EARS2: variants seen among roughly 807,000 people sequenced by gnomAD.
The protein encoded by EARS2 is glutamyl-tRNA synthetase 2, mitochondrial, also known as nondiscriminating glutamyl-tRNA synthetase EARS2, mitochondrial.
Under a neutral mutation model 54.1 loss-of-function variants are expected in EARS2, and 50 were observed. That is an observed-to-expected ratio of 0.92 (90% CI 0.74 to 1.17). EARS2 has a LOEUF of 1.17. EARS2 is among the 50% of genes most tolerant of loss of function. EARS2 has a pLI of 0.00. For synonymous variants in EARS2, 298 were observed against 281.0 expected, an observed-to-expected ratio of 1.06 and a Z score of -0.61; for missense variants, 673 against 675.0, an observed-to-expected ratio of 1.00 and a Z score of 0.03.
At chr16:23,529,243 G>A (rs890727568) in intron 7 of EARS2, among the ~76,000 whole-genome samples, 3 of 152,252 alleles carry the variant, frequency 2.0e-5, no homozygotes, top group African/African-American at 7.2e-5. Flanking sequence ...TGAGCAAGGT[G>A]ACATAATCTG....
At chr16:23,545,042 A>G (rs904548139) in intron 2 of EARS2, 2 of 192,796 alleles carry the variant, frequency 1.0e-5, no homozygotes, top group African/African-American at 4.7e-5. Context: ...GCGTTTCACC[A>G]TGTTGGCCAG....
chr16:23,530,020 G>T, intron 5 of EARS2, 123 bp from the exon 6 acceptor site: 1 of 1,191,844 alleles, frequency 8.4e-7, no homozygotes, highest in Non-Finnish European at 1.2e-6. Context: ...CCTCCCTTTC[G>T]CAAGCTAGAA....
intron 1 of EARS2, 94 bp downstream of exon 1, chr16:23,557,111 C>CT: frequency 6.8e-7 from 1 of 1,467,226 alleles, no homozygotes; most frequent in Non-Finnish European, 9.0e-7. Context: ...CCCGCCCACT[C>CT]TGACACCACC....
chr16:23,555,212 G>C (rs1047113757), intron 1 of EARS2, among the ~76,000 whole-genome samples: 7 of 152,196 alleles, frequency 4.6e-5, no homozygotes, highest in African/African-American at 1.4e-4. Context: ...TAGGCCAGGT[G>C]TGATGGCTCA....
At chr16:23,529,398 G>A (rs1319058095) in intron 7 of EARS2, 104 bp downstream of exon 7, 1 of 1,428,002 alleles carries the variant, frequency 7.0e-7, no homozygotes, top group Non-Finnish European at 9.5e-7. Flanking sequence ...TGGCCATGGA[G>A]TTGTGCTGGG....
chr16:23,542,884 G>A (rs1965538956), intron 3 of EARS2, among the ~76,000 whole-genome samples: 3 of 151,960 alleles, frequency 2.0e-5, no homozygotes, highest in African/African-American at 7.2e-5. Flanking sequence ...GGAGGCTGAG[G>A]TGGGAAGATT....
At position 23,524,235 on chromosome 16, in the gene EARS2, C is replaced by CA. The variant is rs961968725; in HGVS notation, c.*135dup. 3.2e-5 allele frequency: 24 copies of CA among 757,744 alleles called. No homozygotes were observed. Among genetic ancestry groups the CA allele is most frequent in the Non-Finnish European group, 4.8e-5 (21 of 434,496 alleles). 46.9% of individuals were successfully genotyped at this position (757,744 alleles called of 1,614,324 possible). ...GGTGGATCACAAATGCACTTGTGTG[C>CA]AGTCAGAGATTGTTTCCACTCTTAG... On this transcript the variant is annotated 3_prime_UTR_variant, in exon 9 of 9. Coordinates refer to ENST00000449606, the MANE Select transcript of EARS2 (RefSeq NM_001083614.2).
chr16:23,533,932 T>G (rs765326356), intron 4 of EARS2, among the ~76,000 whole-genome samples: 1 of 151,958 alleles, frequency 6.6e-6, no homozygotes, highest in Non-Finnish European at 1.5e-5. Context: ...GGCGGGTGCC[T>G]GTAATCCCAG....
intron 3 of EARS2, among the ~76,000 whole-genome samples, chr16:23,538,558 A>G (rs1965462168): frequency 1.3e-5 from 2 of 152,172 alleles, no homozygotes; most frequent in African/African-American, 4.8e-5. Context: ...TTAAATGTGC[A>G]TTATTGAATA....
At chr16:23,548,385 G>A (rs556892009) in intron 2 of EARS2, among the ~76,000 whole-genome samples, 7 of 152,274 alleles carry the variant, frequency 4.6e-5, no homozygotes, top group Non-Finnish European at 5.9e-5. Context: ...ACACCAGGGT[G>A]GGGGACAAGC....
chr16:23,537,939 G>A (rs1287394333), intron 3 of EARS2, among the ~76,000 whole-genome samples: 9 of 151,376 alleles, frequency 5.9e-5, no homozygotes, highest in East Asian at 3.9e-4. Context: ...GACTACAGGC[G>A]TGCACCACCA....
At position 23,529,897 on chromosome 16, in the gene EARS2, T is replaced by C; in HGVS notation, c.1068A>G (p.Arg356=). 6.2e-7 allele frequency: 1 copy of C among 1,613,956 alleles called. No individual in the cohort carries two copies. The highest frequency in any genetic ancestry group is 1.7e-4 in the Middle Eastern group (1 of 6,056). The change falls in exon 6 of 9, where the codon AGA becomes AGG. Residue 356 remains arginine (R), a splice_region_variant and synonymous_variant. Transcript: ENST00000449606. ...LDLEKLPEFN[R]LHLQRLVSNE... ...TGCTCACCAGCCGCTGGAGGTGCAG[T>C]CTGCGGAAGAAATCAAGGGGCTGCC...
intron 3 of EARS2, among the ~76,000 whole-genome samples, chr16:23,538,562 T>C (rs1597016474): frequency 6.6e-6 from 1 of 152,198 alleles, no homozygotes; most frequent in East Asian, 1.9e-4. Flanking sequence ...ATGTGCATTA[T>C]TGAATATGTT....
chr16:23,542,018 CCAGCTAAT>C (rs1965520946), intron 3 of EARS2, among the ~76,000 whole-genome samples: 1 of 152,072 alleles, frequency 6.6e-6, no homozygotes, highest in Non-Finnish European at 1.5e-5. Context: ...GCCATCATGC[CCAGCTAAT>C]TTTTGTATTT....
chr16:23,546,906 C>G (rs1027700696), intron 2 of EARS2, among the ~76,000 whole-genome samples: 1 of 152,232 alleles, frequency 6.6e-6, no homozygotes, highest in Non-Finnish European at 1.5e-5. Flanking sequence ...ACCTCCATTT[C>G]TTCATTTGTC....
intron 1 of EARS2, among the ~76,000 whole-genome samples, chr16:23,556,163 C>T (rs1965778416): frequency 6.6e-6 from 1 of 152,154 alleles, no homozygotes; most frequent in Non-Finnish European, 1.5e-5. Flanking sequence ...GTATGTTCAT[C>T]CTGGGATTTG....
In EARS2 at chr16:23,548,502, G is replaced by A. The variant is rs188626609; in HGVS notation, c.295+3647C>T. Among the ~76,000 whole-genome samples, 313 of 152,224 alleles carry A rather than the reference G, an allele frequency of 2.1e-3. 4 individuals are homozygous for A. Among genetic ancestry groups the A allele is most frequent in the African/African-American group, 7.1e-3 (294 of 41,544 alleles). ...CATCACTGTATCCCTCATGCCTGGCGTGGTACCTGATAAGTAGCAGATCCT... is the reference window on the plus strand; with the variant it reads ...CATCACTGTATCCCTCATGCCTGGCATGGTACCTGATAAGTAGCAGATCCT... On this transcript the variant is annotated intron_variant, in intron 2 of 8. Transcript: ENST00000449606.
chr16:23,531,885 G>C (rs2142167444), intron 5 of EARS2, among the ~76,000 whole-genome samples: 1 of 152,222 alleles, frequency 6.6e-6, no homozygotes, highest in South Asian at 2.1e-4. Flanking sequence ...GTGTGATCCT[G>C]TCTCACTGCA....
intron 4 of EARS2, 79 bp downstream of exon 4, chr16:23,534,809 G>T: frequency 7.7e-7 from 1 of 1,301,270 alleles, no homozygotes; most frequent in Non-Finnish European, 1.0e-6. Flanking sequence ...TGGGACCAAA[G>T]AGCAGGACTG....
Sources: allele counts gnomAD v4.1 joint callset (sites outside exome capture counted in the v4.1 genomes callset), GRCh38; gene constraint gnomAD v4.1.1; transcripts MANE v1.5; gene names NCBI Gene and HGNC (gene_info 2026-07-23, HGNC 2026-07-21).